The following ANKH variants were observed in gnomAD, a reference collection of about 807,000 sequenced individuals.
ANKH encodes ANKH inorganic pyrophosphate transport regulator, also known as mineralization regulator ANKH.
A neutral mutation model predicts 49.0 loss-of-function variants in ANKH; 15 were observed. The ratio of observed to expected loss-of-function variants is 0.31; its 90% CI spans 0.20 to 0.47. ANKH has a LOEUF of 0.47. ANKH is among the 20% of genes least tolerant of loss of function. ANKH has a pLI of 1.00. For synonymous variants in ANKH, 273 were observed against 260.0 expected (o/e 1.05, Z -0.48); for missense variants, 429 against 652.0 (o/e 0.66, Z 3.72).
chr5:14,842,543 T>C (rs1357759686), intron 1 of ANKH, among the ~76,000 whole-genome samples: 3 of 152,172 alleles, frequency 2.0e-5, no homozygotes, highest in Admixed American at 6.5e-5. Flanking sequence ...CTCTCTTCTA[T>C]AGCCTTCCTT....
intron 4 of ANKH, among the ~76,000 whole-genome samples, chr5:14,752,264 C>T (rs1422126822): frequency 6.6e-6 from 1 of 152,042 alleles, no homozygotes; most frequent in African/African-American, 2.4e-5. Context: ...GAGTTTTGAT[C>T]GTGCCACTGC....
intron 1 of ANKH, among the ~76,000 whole-genome samples, chr5:14,784,453 T>C (rs1348803746): frequency 5.9e-5 from 9 of 152,220 alleles, no homozygotes; most frequent in Non-Finnish European, 2.9e-5. Flanking sequence ...CTAGCAAAGC[T>C]GGTGAGTGGC....
At chr5:14,762,893 CA>C (rs529452098) in intron 2 of ANKH, among the ~76,000 whole-genome samples, 77 of 152,124 alleles carry the variant, frequency 5.1e-4, no homozygotes, top group Admixed American at 1.4e-3. Context: ...CAGAACATTA[CA>C]AAAAAAATTA....
At chr5:14,772,887 C>T (rs563202130) in intron 1 of ANKH, among the ~76,000 whole-genome samples, 1 of 152,374 alleles carries the variant, frequency 6.6e-6, no homozygotes, top group East Asian at 1.9e-4. Context: ...TCATCTGATG[C>T]ATCCACCATA....
intron 8 of ANKH, among the ~76,000 whole-genome samples, chr5:14,724,328 C>CAACA (rs1161574877): frequency 6.6e-6 from 1 of 151,772 alleles, no homozygotes; most frequent in Admixed American, 6.6e-5. Context: ...AAAACAACAA[C>CAACA]AACAACAAAA....
intron 1 of ANKH, among the ~76,000 whole-genome samples, chr5:14,786,094 A>G (rs1273912866): frequency 6.6e-6 from 1 of 151,450 alleles, no homozygotes; most frequent in Admixed American, 6.6e-5. Context: ...GAGAAAAAGT[A>G]AAAAAATAAC....
intron 1 of ANKH, among the ~76,000 whole-genome samples, chr5:14,830,694 T>C (rs1024846582): frequency 2.0e-5 from 3 of 152,206 alleles, no homozygotes; most frequent in African/African-American, 7.2e-5. Context: ...TGCAGCTCTA[T>C]TTTGTATGTC....
chr5:14,859,871 GTTC>G (rs1735425781), intron 1 of ANKH, among the ~76,000 whole-genome samples: 2 of 152,248 alleles, frequency 1.3e-5, no homozygotes, highest in African/African-American at 4.8e-5. Context: ...AGATTCTACA[GTTC>G]AGCTAGTGAG....
chr5:14,762,735 G>T (rs951902195), intron 2 of ANKH, among the ~76,000 whole-genome samples: 4 of 97,810 alleles, frequency 4.1e-5, no homozygotes, highest in Non-Finnish European at 6.4e-5. Context: ...AGAGCTATTG[G>T]GGGGGTGGGG....
At chr5:14,848,185 C>T (rs1742019129) in intron 1 of ANKH, among the ~76,000 whole-genome samples, 1 of 152,206 alleles carries the variant, frequency 6.6e-6, no homozygotes, top group South Asian at 2.1e-4. Context: ...AATTCCTAAG[C>T]CTAACTGAGG....
At chr5:14,796,629 C>A (rs1262709728) in intron 1 of ANKH, among the ~76,000 whole-genome samples, 2 of 152,084 alleles carry the variant, frequency 1.3e-5, no homozygotes, top group Non-Finnish European at 2.9e-5. Flanking sequence ...AACTGGTCTA[C>A]GTATGAAAAT....
chr5:14,866,839 C>G (rs1026818186), intron 1 of ANKH, among the ~76,000 whole-genome samples: 1 of 152,138 alleles, frequency 6.6e-6, no homozygotes, highest in Non-Finnish European at 1.5e-5. Flanking sequence ...TTCCTGGAAG[C>G]CCTCCTTTTA....
chr5:14,744,442 C>G (rs153927), intron 7 of ANKH, among the ~76,000 whole-genome samples: 46,545 of 152,138 alleles, frequency 0.31, 8,331 homozygotes, highest in African/African-American at 0.5. Context: ...CCCTTTCCCA[C>G]GTGACCATGG....
At chr5:14,836,106 T>G (rs1207132473) in intron 1 of ANKH, among the ~76,000 whole-genome samples, 4 of 152,198 alleles carry the variant, frequency 2.6e-5, no homozygotes, top group Non-Finnish European at 4.4e-5. Context: ...TAGGTATTGA[T>G]GGGACGTATC....
chr5:14,769,638 TG>T (rs2126512515), intron 1 of ANKH, among the ~76,000 whole-genome samples: 1 of 152,198 alleles, frequency 6.6e-6, no homozygotes, highest in African/African-American at 2.4e-5. Flanking sequence ...TGTGTGTGTG[TG>T]TGTGTTCATG....
intron 1 of ANKH, among the ~76,000 whole-genome samples, chr5:14,832,339 C>T (rs768976017): frequency 3.2e-4 from 49 of 152,268 alleles, no homozygotes; most frequent in Non-Finnish European, 6.3e-4. Flanking sequence ...AATAAATATG[C>T]TTTCCACCAC....
intron 1 of ANKH, among the ~76,000 whole-genome samples, chr5:14,840,775 C>CA (rs1158478229): frequency 6.6e-6 from 1 of 152,202 alleles, no homozygotes; most frequent in Non-Finnish European, 1.5e-5. Context: ...CAGGCATTTA[C>CA]ATGCCCTTCA....
intron 1 of ANKH, among the ~76,000 whole-genome samples, chr5:14,775,926 T>C (rs1739604702): frequency 6.6e-6 from 1 of 152,054 alleles, no homozygotes; most frequent in South Asian, 2.1e-4. Flanking sequence ...AAGGGCCCTG[T>C]GGTAACCCAG....
intron 1 of ANKH, among the ~76,000 whole-genome samples, chr5:14,804,084 C>A (rs1262767518): frequency 6.6e-6 from 1 of 151,928 alleles, no homozygotes; most frequent in African/African-American, 2.4e-5. Flanking sequence ...TTAGTAGAGA[C>A]GGGGTTTCAC....
Sources: allele counts gnomAD v4.1 joint callset (sites outside exome capture counted in the v4.1 genomes callset), GRCh38; gene constraint gnomAD v4.1.1; transcripts MANE v1.5; gene names NCBI Gene and HGNC (gene_info 2026-07-23, HGNC 2026-07-21).